Variants in KCNQ5 observed in about 807,000 individuals in gnomAD.
KCNQ5 encodes potassium voltage-gated channel subfamily KQT member 5.
In KCNQ5, 30 loss-of-function variants were observed where a neutral mutation model predicts 98.2. The observed-to-expected ratio is 0.31, with a 90% CI of 0.23 to 0.41. KCNQ5 has a LOEUF of 0.41. KCNQ5 is among the 10% of genes least tolerant of loss of function. KCNQ5 has a pLI of 1.00. For synonymous variants in KCNQ5, 458 were observed against 449.4 expected (o/e 1.02, Z -0.24); for missense variants, 835 against 1,182.5 (o/e 0.71, Z 4.31).
intron 1 of KCNQ5, among the ~76,000 whole-genome samples, chr6:72,845,434 T>G (rs900403256): frequency 6.6e-6 from 1 of 152,204 alleles, no homozygotes; most frequent in Non-Finnish European, 1.5e-5. Flanking sequence ...TCCATAGATG[T>G]GTCACATTTT....
intron 1 of KCNQ5, among the ~76,000 whole-genome samples, chr6:72,717,995 A>G (rs58589946): frequency 0.013 from 1,918 of 152,208 alleles, 39 homozygotes; most frequent in African/African-American, 0.044. Flanking sequence ...CCCAAACATC[A>G]TATGCCAGTC....
In KCNQ5 at chr6:72,725,793, A is replaced by G. The variant is rs1770232037; in HGVS notation, c.398+103206A>G. ...TTCACATTTTCTCCCATAAATATAT[A>G]TAATTATTACTTGTCAATTAAACAT... On this transcript the variant is annotated intron_variant, in intron 1 of 13. Transcript: ENST00000370398. 4.6e-5 allele frequency among the ~76,000 whole-genome samples: 7 copies of G among 152,206 alleles called. 1 individual carries two copies. The South Asian group carries it at 1.4e-3, about 31-fold the overall frequency.
chr6:72,941,024 T>A (rs1766207152), intron 1 of KCNQ5, among the ~76,000 whole-genome samples: 1 of 151,970 alleles, frequency 6.6e-6, no homozygotes, highest in South Asian at 2.1e-4. Context: ...TAGTGTCGAG[T>A]GGGGTCTTAT....
chr6:73,078,526 T>C (rs563741531), intron 5 of KCNQ5, among the ~76,000 whole-genome samples: 3 of 152,200 alleles, frequency 2.0e-5, no homozygotes, highest in Non-Finnish European at 2.9e-5. Context: ...TCATTATTAA[T>C]GAAGAAACCA....
chr6:72,773,756 A>G (rs1773027382), intron 1 of KCNQ5, among the ~76,000 whole-genome samples: 2 of 152,290 alleles, frequency 1.3e-5, no homozygotes, highest in South Asian at 4.1e-4. Context: ...TTCCCTAACA[A>G]TTAAAATATT....
At chr6:72,856,818 C>T (rs575114526) in intron 1 of KCNQ5, among the ~76,000 whole-genome samples, 118 of 152,320 alleles carry the variant, frequency 7.7e-4, no homozygotes, top group African/African-American at 2.6e-3. Context: ...CAGATCTACT[C>T]CATGGCCAAC....
Position 72,928,341 on chromosome 6 carries a change from T to C in KCNQ5, c.399-75567T>C, listed in dbSNP as rs188157440. Among the ~76,000 whole-genome samples, 53 of 152,202 alleles carry C rather than the reference T, an allele frequency of 3.5e-4. No individual in the cohort carries two copies. In the East Asian group the frequency reaches 0.01, roughly 29 times the overall value. On this transcript the variant is annotated intron_variant, in intron 1 of 13. Coordinates refer to ENST00000370398, the MANE Select transcript of KCNQ5 (RefSeq NM_019842.4). Reference sequence around the variant, plus strand: ...AATATGCCCAGTGATGTAGGAACTATGTGCAGTTGGAAGGACTCTTTGCCA... The same window carrying C: ...AATATGCCCAGTGATGTAGGAACTACGTGCAGTTGGAAGGACTCTTTGCCA...
At chr6:72,746,126 G>GAGT (rs1418762409) in intron 1 of KCNQ5, among the ~76,000 whole-genome samples, 1 of 129,266 alleles carries the variant, frequency 7.7e-6, no homozygotes, top group Non-Finnish European at 1.6e-5. Context: ...ACAAATACCA[G>GAGT]AGTTTAGGAC....
chr6:73,065,590 T>G (rs983413716), intron 3 of KCNQ5, among the ~76,000 whole-genome samples: 1 of 152,136 alleles, frequency 6.6e-6, no homozygotes, highest in Non-Finnish European at 1.5e-5. Flanking sequence ...AAAAACCCTT[T>G]CCCTGCCGCT....
At chr6:73,053,795 A>G (rs1223513524) in intron 3 of KCNQ5, among the ~76,000 whole-genome samples, 1 of 152,180 alleles carries the variant, frequency 6.6e-6, no homozygotes, top group Non-Finnish European at 1.5e-5. Flanking sequence ...GAGGAAATAG[A>G]GAAACAAGAG....
At chr6:72,843,013 T>C (rs1426971674) in intron 1 of KCNQ5, among the ~76,000 whole-genome samples, 1 of 152,226 alleles carries the variant, frequency 6.6e-6, no homozygotes, top group East Asian at 1.9e-4. Flanking sequence ...AATATTGGCT[T>C]TCGTTGCCAT....
chr6:72,925,310 C>G (rs1194053076), intron 1 of KCNQ5, among the ~76,000 whole-genome samples: 4 of 152,144 alleles, frequency 2.6e-5, no homozygotes, highest in Non-Finnish European at 5.9e-5. Context: ...CAATCCAAAT[C>G]TGTCAACTCA....
intron 1 of KCNQ5, among the ~76,000 whole-genome samples, chr6:72,788,034 C>T (rs1773848461): frequency 6.6e-6 from 1 of 152,166 alleles, no homozygotes; most frequent in South Asian, 2.1e-4. Context: ...TGCTGCTTTT[C>T]TTGGGTATCT....
chr6:72,827,752 T>C (rs184786324), intron 1 of KCNQ5, among the ~76,000 whole-genome samples: 1 of 152,258 alleles, frequency 6.6e-6, no homozygotes, highest in East Asian at 1.9e-4. Context: ...AGTTGTTTAT[T>C]TTTGCTTTTG....
At chr6:72,793,007 G>T (rs551106117) in intron 1 of KCNQ5, among the ~76,000 whole-genome samples, 12 of 152,224 alleles carry the variant, frequency 7.9e-5, no homozygotes, top group African/African-American at 2.9e-4. Flanking sequence ...GTTTTTTTAT[G>T]GGTGAGACAT....
chr6:72,671,615 T>C (rs1767110723), intron 1 of KCNQ5, among the ~76,000 whole-genome samples: 2 of 152,176 alleles, frequency 1.3e-5, no homozygotes, highest in East Asian at 3.8e-4. Flanking sequence ...GCACCAATTT[T>C]ATACAGAATG....
At chr6:72,777,044 T>C (rs1773194861) in intron 1 of KCNQ5, among the ~76,000 whole-genome samples, 1 of 152,108 alleles carries the variant, frequency 6.6e-6, no homozygotes, top group African/African-American at 2.4e-5. Context: ...TAATGTGTTG[T>C]GAAGAGCTCC....
At chr6:73,112,985 T>G (rs931281192) in intron 7 of KCNQ5, among the ~76,000 whole-genome samples, 3 of 152,160 alleles carry the variant, frequency 2.0e-5, no homozygotes, top group African/African-American at 7.2e-5. Context: ...TACATATTCT[T>G]TACAGGTTTT....
chr6:73,027,487 T>G (rs768114167), intron 2 of KCNQ5, among the ~76,000 whole-genome samples: 9 of 152,222 alleles, frequency 5.9e-5, no homozygotes, highest in Non-Finnish European at 1.0e-4. Flanking sequence ...GAGGCATATC[T>G]CCTATCAATT....
Sources: gnomAD v4.1 joint callset for allele counts (sites outside exome capture counted in the v4.1 genomes callset) on GRCh38, gnomAD v4.1.1 for gene constraint, MANE v1.5 for transcripts, NCBI Gene and HGNC (gene_info 2026-07-23, HGNC 2026-07-21) for gene names.